The following RPS6KA5 variants were observed in gnomAD, a reference collection of about 807,000 sequenced individuals.
The protein encoded by RPS6KA5 is ribosomal protein S6 kinase A5, also known as ribosomal protein S6 kinase alpha-5.
Under a neutral mutation model 85.5 loss-of-function variants are expected in RPS6KA5, and 27 were observed. The observed-to-expected ratio is 0.32, with a 90% CI of 0.23 to 0.44. The LOEUF is 0.44. Among genes scored for constraint, RPS6KA5 ranks in the 20% least tolerant of loss-of-function variants. The probability of loss-of-function intolerance (pLI) is 1.00; values close to 1 mark genes in which losing one functional copy is unlikely to be tolerated. For missense variants in RPS6KA5, 811 were observed against 980.9 expected, an observed-to-expected ratio of 0.83 and a Z score of 2.31; for synonymous variants, 334 against 348.2, an observed-to-expected ratio of 0.96 and a Z score of 0.46.
At position 90,999,299 on chromosome 14, in the gene RPS6KA5, T is replaced by C. The variant is rs186953245; in HGVS notation, c.175+1789A>G. On this transcript the variant is annotated intron_variant, in intron 2 of 16. Transcript: ENST00000614987. ...ATTACAGAGGCCCCAAGAGAAAGGCTTTCTTTCTTGCTATAATGTTTGGCA... is the reference window on the plus strand; with the variant it reads ...ATTACAGAGGCCCCAAGAGAAAGGCCTTCTTTCTTGCTATAATGTTTGGCA... Among the ~76,000 whole-genome samples, 58 of 152,272 alleles carry C rather than the reference T, an allele frequency of 3.8e-4. 3 individuals are homozygous for C. In the South Asian group the frequency reaches 9.1e-3, roughly 24 times the overall value.
intron 3 of RPS6KA5, among the ~76,000 whole-genome samples, chr14:90,970,333 T>G (rs1473562596): frequency 2.6e-5 from 4 of 152,220 alleles, no homozygotes; most frequent in Admixed American, 2.6e-4. Flanking sequence ...TGTTACCATC[T>G]CAGCAATTAC....
intron 5 of RPS6KA5, among the ~76,000 whole-genome samples, chr14:90,930,653 A>G (rs963739066): frequency 1.3e-5 from 2 of 152,206 alleles, no homozygotes; most frequent in African/African-American, 4.8e-5. Context: ...AGGAGTTAAT[A>G]TCTAGAATAT....
At chr14:90,981,392 A>G (rs1294546244) in intron 2 of RPS6KA5, among the ~76,000 whole-genome samples, 1 of 152,074 alleles carries the variant, frequency 6.6e-6, no homozygotes, top group Non-Finnish European at 1.5e-5. Flanking sequence ...GGTCCCACTG[A>G]TATGTTGTGT....
intron 14 of RPS6KA5, among the ~76,000 whole-genome samples, chr14:90,877,299 G>A (rs983743691): frequency 4.8e-4 from 73 of 152,176 alleles, no homozygotes; most frequent in Admixed American, 1.8e-3. Context: ...CTCTAAGAAG[G>A]GCAATGTCAG....
At chr14:90,953,737 T>C (rs1287942417) in intron 3 of RPS6KA5, among the ~76,000 whole-genome samples, 1 of 152,176 alleles carries the variant, frequency 6.6e-6, no homozygotes, top group Non-Finnish European at 1.5e-5. Context: ...AGATAAGGAC[T>C]GAAATACGCC....
intron 1 of RPS6KA5, among the ~76,000 whole-genome samples, chr14:91,018,227 A>G (rs1185968770): frequency 2.0e-5 from 3 of 152,222 alleles, no homozygotes; most frequent in Non-Finnish European, 2.9e-5. Flanking sequence ...AATGGGGACT[A>G]TGGTTGTCAT....
At chr14:90,928,195 G>A (rs1033431636) in intron 5 of RPS6KA5, among the ~76,000 whole-genome samples, 1 of 151,612 alleles carries the variant, frequency 6.6e-6, no homozygotes, top group Admixed American at 6.6e-5. Context: ...CTTGGATATA[G>A]GTATGAGCCA....
At position 90,939,122 on chromosome 14, in the gene RPS6KA5, C is replaced by G. The variant is rs555119323; in HGVS notation, c.618+3956G>C. ...ATTTCTTCTGCCAGATACCCTAAATCACCTCTCTCAAGTTCAAAGTTCCAC... is the reference window on the plus strand; with the variant it reads ...ATTTCTTCTGCCAGATACCCTAAATGACCTCTCTCAAGTTCAAAGTTCCAC... On this transcript the variant is annotated intron_variant, in intron 5 of 16. Coordinates refer to ENST00000614987, the MANE Select transcript of RPS6KA5 (RefSeq NM_004755.4). 4.6e-5 allele frequency among the ~76,000 whole-genome samples: 7 copies of G among 152,336 alleles called. No homozygotes were observed. The East Asian group carries it at 1.3e-3, about 29-fold the overall frequency.
chr14:90,994,836 T>C (rs2040452614), intron 2 of RPS6KA5, among the ~76,000 whole-genome samples: 1 of 151,980 alleles, frequency 6.6e-6, no homozygotes, highest in Non-Finnish European at 1.5e-5. Flanking sequence ...CCTCCCAAAG[T>C]GCTGGGATTA....
chr14:91,056,867 CTTTTTTTTTTTTTTTTTTTTT>C (rs34807092), intron 1 of RPS6KA5, among the ~76,000 whole-genome samples: 2 of 38,874 alleles, frequency 5.1e-5, no homozygotes, highest in African/African-American at 1.9e-4. Flanking sequence ...GCAGTATTAT[CTTTTTTTTTTTTTTTTTTTTT>C]TTTTTTTTGG....
chr14:90,934,992 G>T (rs189601134), intron 5 of RPS6KA5, among the ~76,000 whole-genome samples: 9 of 152,250 alleles, frequency 5.9e-5, no homozygotes, highest in Admixed American at 5.2e-4. Flanking sequence ...AATTATCCTA[G>T]AGTCACTGAT....
chr14:90,885,659 G>A (rs1427506421), intron 14 of RPS6KA5, among the ~76,000 whole-genome samples: 4 of 135,598 alleles, frequency 2.9e-5, no homozygotes, highest in African/African-American at 5.6e-5. Context: ...GGAGAATGGC[G>A]TGAACCTAGG....
chr14:90,967,522 C>A (rs777429136), intron 3 of RPS6KA5, among the ~76,000 whole-genome samples: 1 of 152,144 alleles, frequency 6.6e-6, no homozygotes, highest in Non-Finnish European at 1.5e-5. Flanking sequence ...TGTGCCCTGA[C>A]TTACATACTC....
rs1442477205 is a variant in RPS6KA5, at chr14:90,866,277, C to G, written c.*5797G>C. The G allele has an allele frequency of 6.6e-6, 1 of 152,184 alleles. No individual in the cohort carries two copies. Among genetic ancestry groups the G allele is most frequent in the Non-Finnish European group, 1.5e-5 (1 of 68,104 alleles). 9.4% of individuals were successfully genotyped at this position (152,184 alleles called of 1,614,324 possible). ...GCCAGGAGTTTGAGACTAGCCTGGG[C>G]ACCATACTGATACCTTGTAGCTATT... On this transcript the variant is annotated 3_prime_UTR_variant, in exon 17 of 17. Coordinates refer to ENST00000614987, the MANE Select transcript of RPS6KA5 (RefSeq NM_004755.4).
intron 1 of RPS6KA5, among the ~76,000 whole-genome samples, chr14:91,026,576 T>A (rs577342697): frequency 3.2e-4 from 49 of 152,298 alleles, no homozygotes; most frequent in African/African-American, 1.1e-3. Context: ...GCACCCACAC[T>A]AATTCCATGT....
rs1040855418 is a variant in RPS6KA5, at chr14:91,049,081, C to T, written c.103+11251G>A. Among the ~76,000 whole-genome samples, 38 of 152,174 alleles carry T rather than the reference C, an allele frequency of 2.5e-4. 1 individual carries two copies. The highest frequency in any genetic ancestry group is 2.5e-3 in the Admixed American group (38 of 15,254). ...CTACAAATACAAACTATACCTGAAT[C>T]CCCCTTGACAGAAGGGATAAGATGT... On this transcript the variant is annotated intron_variant, in intron 1 of 16. Coordinates refer to ENST00000614987, the MANE Select transcript of RPS6KA5 (RefSeq NM_004755.4).
intron 3 of RPS6KA5, among the ~76,000 whole-genome samples, chr14:90,966,910 T>G (rs2039090293): frequency 6.6e-6 from 1 of 152,224 alleles, no homozygotes; most frequent in Admixed American, 6.5e-5. Context: ...ACATCTTTCT[T>G]GATGGGCATG....
chr14:90,873,842 G>A (rs1425684326), intron 15 of RPS6KA5, 47 bp from the exon 16 acceptor site: 2 of 1,538,308 alleles, frequency 1.3e-6, no homozygotes, highest in Non-Finnish European at 8.9e-7. Flanking sequence ...TTTTAAACAT[G>A]GTTTAAAAAC....
chr14:91,049,199 G>T (rs1028149209), intron 1 of RPS6KA5, among the ~76,000 whole-genome samples: 14 of 152,102 alleles, frequency 9.2e-5, no homozygotes, highest in Admixed American at 9.2e-4. Flanking sequence ...TAGGCACTAG[G>T]GAACCAAATT....
Sources: allele counts gnomAD v4.1 joint callset (sites outside exome capture counted in the v4.1 genomes callset), GRCh38; gene constraint gnomAD v4.1.1; transcripts MANE v1.5; gene names NCBI Gene and HGNC (gene_info 2026-07-23, HGNC 2026-07-21).